Variants in EEA1 observed in about 807,000 individuals in gnomAD.
EEA1 encodes early endosome antigen 1, 162kD.
Under a neutral mutation model 209.2 loss-of-function variants are expected in EEA1, and 111 were observed. The ratio of observed to expected loss-of-function variants is 0.53; its 90% confidence interval spans 0.45 to 0.62. The LOEUF is 0.62. Ranked by LOEUF, EEA1 falls within the 20% of genes least tolerant of loss-of-function variation. The probability of loss-of-function intolerance (pLI) is 0.00; values close to 1 mark genes in which losing one functional copy is unlikely to be tolerated. For missense variants in EEA1, 1,343 were observed against 1,530.8 expected (o/e 0.88, Z 2.05); for synonymous variants, 536 against 540.6 (o/e 0.99, Z 0.12).
intron 3 of EEA1, chr12:92,859,075 A>G: frequency 1.3e-6 from 1 of 779,808 alleles, no homozygotes; most frequent in Non-Finnish European, 2.2e-6. Flanking sequence ...TCCATTATCT[A>G]TCTCTGTTTT....
In EEA1 at chr12:92,916,946, C is replaced by T. The variant is rs367898587; in HGVS notation, c.24+12097G>A. Among the ~76,000 whole-genome samples the T allele has an allele frequency of 6.1e-3, 919 of 149,988 alleles. 5 individuals carry two copies. Among genetic ancestry groups the T allele is most frequent in the African/African-American group, 0.016 (652 of 39,850 alleles). On this transcript the variant is annotated intron_variant, in intron 1 of 28. Transcript: ENST00000322349. ...CAAGGCTCGAGAACTACGTGAAGAACGCAGAAGCCTCAGGAGCCGACGCGA... is the reference window on the plus strand; with the variant it reads ...CAAGGCTCGAGAACTACGTGAAGAATGCAGAAGCCTCAGGAGCCGACGCGA...
At chr12:92,899,630 G>A (rs954732703) in intron 1 of EEA1, among the ~76,000 whole-genome samples, 3 of 152,218 alleles carry the variant, frequency 2.0e-5, no homozygotes, top group African/African-American at 7.2e-5. Flanking sequence ...CATTGGGAAA[G>A]TTAGGATCAT....
intron 13 of EEA1, among the ~76,000 whole-genome samples, chr12:92,819,938 A>G (rs879635661): frequency 6.6e-6 from 1 of 152,162 alleles, no homozygotes; most frequent in Non-Finnish European, 1.5e-5. Flanking sequence ...TTGTTCAAAC[A>G]TCACCTTCTT....
At chr12:92,819,165 T>A in intron 14 of EEA1, 143 bp downstream of exon 14, 1 of 621,462 alleles carries the variant, frequency 1.6e-6, no homozygotes, top group Non-Finnish European at 2.6e-6. Flanking sequence ...TTAAGGTACA[T>A]GAGATGCTAT....
intron 15 of EEA1, among the ~76,000 whole-genome samples, chr12:92,815,095 T>TA: frequency 6.6e-6 from 1 of 152,300 alleles, no homozygotes; most frequent in African/African-American, 2.4e-5. Context: ...ATAAAGAAGT[T>TA]AAAGTAGTTT....
chr12:92,813,367 C>T (rs1284660022), intron 15 of EEA1, among the ~76,000 whole-genome samples: 1 of 152,106 alleles, frequency 6.6e-6, no homozygotes, highest in Non-Finnish European at 1.5e-5. Context: ...AGAAAAGGTA[C>T]ACTTTTTTTC....
chr12:92,854,476 T>C (rs1280711923), intron 5 of EEA1, among the ~76,000 whole-genome samples: 1 of 152,222 alleles, frequency 6.6e-6, no homozygotes, highest in Non-Finnish European at 1.5e-5. Context: ...AATGAACTTC[T>C]CCTCTCTTCA....
rs57579359 is a variant in EEA1 at position 92,856,767 on chromosome 12, C to CTTTTTTT, written c.366+501_366+507dup. ...AAAAACAACATATAGATACCTGATT[C>CTTTTTTT]TTTTTTTTTTTTTTTTTTTTTTGAG... On this transcript the variant is annotated intron_variant, in intron 5 of 28. Coordinates refer to ENST00000322349, the MANE Select transcript of EEA1 (RefSeq NM_003566.4). 7.6e-4 allele frequency among the ~76,000 whole-genome samples: 66 copies of CTTTTTTT among 86,638 alleles called. 1 individual carries two copies. The highest frequency in any genetic ancestry group is 2.1e-3 in the East Asian group (6 of 2,800). The allele number at this position is 86,638 out of a possible 152,430, so 56.8% of individuals were successfully genotyped here.
At position 92,826,773 on chromosome 12, in the gene EEA1, A is replaced by T. The variant is rs184103833; in HGVS notation, c.1405-488T>A. Among the ~76,000 whole-genome samples the T allele has an allele frequency of 1.1e-4, 17 of 151,896 alleles. No individual in the cohort carries two copies. In the East Asian group the frequency reaches 2.9e-3, roughly 26 times the overall value. On this transcript the variant is annotated intron_variant, in intron 12 of 28. Coordinates refer to ENST00000322349, the MANE Select transcript of EEA1 (RefSeq NM_003566.4). ...GTACCTCATTACTTACAGAATCTTA[A>T]TCTCATGTTAAAGAAAGTATTTTCT...
chr12:92,853,896 C>T lies in EEA1; in HGVS notation c.406+19G>A. ...AAGAAAAAGAAAACTGACAAAATAT[C>T]TGCTTTAAGTAAAGTTACCTGCTGA... On this transcript the variant is annotated intron_variant, in intron 6 of 28. Transcript: ENST00000322349. The T allele has an allele frequency of 1.3e-6, 2 of 1,589,244 alleles. No homozygotes were observed. The highest frequency in any genetic ancestry group is 1.9e-5 in the Admixed American group (1 of 54,020).
intron 1 of EEA1, among the ~76,000 whole-genome samples, chr12:92,923,845 C>CAAAAA (rs200069645): frequency 2.7e-5 from 2 of 75,238 alleles, no homozygotes; most frequent in African/African-American, 5.1e-5. Context: ...ACCTCATCTA[C>CAAAAA]AAAAAAAAAA....
chr12:92,840,688 T>G (rs1877129966), intron 10 of EEA1, among the ~76,000 whole-genome samples: 1 of 152,264 alleles, frequency 6.6e-6, no homozygotes, highest in Non-Finnish European at 1.5e-5. Flanking sequence ...AAGGCTTATC[T>G]TCCTGATTTT....
chr12:92,835,582 T>TTTGTA (rs1876893487), intron 10 of EEA1, among the ~76,000 whole-genome samples: 1 of 151,246 alleles, frequency 6.6e-6, no homozygotes, highest in Non-Finnish European at 1.5e-5. Flanking sequence ...CAGCTAATTT[T>TTTGTA]TTGTATTTTT....
chr12:92,776,088 C>G lies in EEA1; in HGVS notation c.4159G>C (p.Ala1387Pro). Residue 1387 changes from alanine to proline, a missense_variant, in exon 29 of 29, where the codon GCC (alanine) becomes CCC (proline). Physicochemically the swap from Ala to Pro is conservative, Grantham distance 27. This residue lies in a region of EEA1 where 28 missense variants were observed against 37.7 expected (regional missense o/e 0.74). Transcript: ENST00000322349. ...GAGGAAGGAGTTAAGGCATTTTTGG[C>G]TGAACATTCAGCACAGAAGATATTT... ...CGNIFCAECS[A>P]KNALTPSSKK... 3 of 1,610,998 alleles carry G rather than the reference C, an allele frequency of 1.9e-6. No homozygotes were observed. The highest frequency in any genetic ancestry group is 2.5e-6 in the Non-Finnish European group (3 of 1,178,114).
intron 11 of EEA1, among the ~76,000 whole-genome samples, chr12:92,831,029 C>T (rs1755525070): frequency 6.6e-6 from 1 of 152,186 alleles, no homozygotes; most frequent in African/African-American, 2.4e-5. Flanking sequence ...ATGGAACTCA[C>T]AGTCCAAACT....
intron 5 of EEA1, among the ~76,000 whole-genome samples, chr12:92,857,011 AC>A (rs1215707806): frequency 6.6e-6 from 1 of 151,364 alleles, no homozygotes; most frequent in Non-Finnish European, 1.5e-5. Context: ...GGCTCAAGCA[AC>A]TCTCTCGCCT....
chr12:92,907,604 C>T (rs1339335479), intron 1 of EEA1, among the ~76,000 whole-genome samples: 1 of 152,126 alleles, frequency 6.6e-6, no homozygotes, highest in African/African-American at 2.4e-5. Context: ...TAAAAGAGAC[C>T]TAATATAGCA....
At chr12:92,792,744 C>G (rs1874468679) in intron 21 of EEA1, among the ~76,000 whole-genome samples, 1 of 152,136 alleles carries the variant, frequency 6.6e-6, no homozygotes, top group Admixed American at 6.6e-5. Context: ...CTATTCCAAT[C>G]AACAGAAAAA....
intron 1 of EEA1, among the ~76,000 whole-genome samples, chr12:92,927,612 C>G (rs561785900): frequency 6.6e-6 from 1 of 152,172 alleles, no homozygotes; most frequent in Non-Finnish European, 1.5e-5. Flanking sequence ...AAACCACAGG[C>G]AAACTAATTT....
Sources: gnomAD v4.1 joint callset for allele counts (sites outside exome capture counted in the v4.1 genomes callset) on GRCh38, gnomAD v4.1.1 for gene constraint, gnomAD v4.1.1 regional missense constraint, MANE v1.5 for transcripts, NCBI Gene and HGNC (gene_info 2026-07-23, HGNC 2026-07-21) for gene names.